The following FGF14 variants were observed in gnomAD, a reference collection of about 807,000 sequenced individuals.
FGF14 encodes the protein fibroblast growth factor 14.
Under a neutral mutation model 25.5 loss-of-function variants are expected in FGF14, and 5 were observed. The observed-to-expected ratio is 0.20, with a 90% CI of 0.10 to 0.41. FGF14 has a LOEUF of 0.41. Ranked by LOEUF, FGF14 falls within the 10% of genes least tolerant of loss-of-function variation. The probability of loss-of-function intolerance (pLI) is 1.00; values close to 1 mark genes in which losing one functional copy is unlikely to be tolerated. For missense variants in FGF14, 222 were observed against 320.1 expected (o/e 0.69, Z 2.34); for synonymous variants, 138 against 118.3 (o/e 1.17, Z -1.08).
intron 1 of FGF14, among the ~76,000 whole-genome samples, chr13:102,129,547 A>G (rs550988275): frequency 1.3e-5 from 2 of 152,304 alleles, no homozygotes; most frequent in African/African-American, 2.4e-5. Context: ...TGTATATTAC[A>G]TGAGTATTTC....
At chr13:101,762,369 G>A (rs1005252923) in intron 3 of FGF14, among the ~76,000 whole-genome samples, 6 of 152,108 alleles carry the variant, frequency 3.9e-5, no homozygotes, top group African/African-American at 7.2e-5. Flanking sequence ...CCTTCGGACC[G>A]AGTTTAAGAT....
intron 3 of FGF14, among the ~76,000 whole-genome samples, chr13:101,837,102 A>C (rs2042961492): frequency 6.6e-6 from 1 of 152,060 alleles, no homozygotes; most frequent in African/African-American, 2.4e-5. Context: ...TTATCTAATG[A>C]AACACTGGAG....
chr13:102,040,265 G>A (rs1483533288), intron 1 of FGF14, among the ~76,000 whole-genome samples: 2 of 152,066 alleles, frequency 1.3e-5, no homozygotes, highest in East Asian at 3.9e-4. Flanking sequence ...TCATGATCAA[G>A]TATTTCTTCC....
chr13:101,973,119 C>CAT (rs77590228), intron 1 of FGF14, among the ~76,000 whole-genome samples: 5 of 127,502 alleles, frequency 3.9e-5, no homozygotes, highest in East Asian at 2.2e-4. Flanking sequence ...AAGTGTGCTT[C>CAT]TTTTTTTTTT....
intron 1 of FGF14, among the ~76,000 whole-genome samples, chr13:102,399,129 A>T (rs77489630): frequency 6.6e-5 from 10 of 152,062 alleles, no homozygotes; most frequent in African/African-American, 2.4e-4. Context: ...GGGGGGAAAA[A>T]CTATTCCAGA....
At chr13:102,341,628 G>A (rs1405644369) in intron 1 of FGF14, among the ~76,000 whole-genome samples, 1 of 152,098 alleles carries the variant, frequency 6.6e-6, no homozygotes, top group Non-Finnish European at 1.5e-5. Context: ...TTGAGAAGGC[G>A]ACCACCTTTC....
At chr13:102,025,461 T>A (rs2040875799) in intron 1 of FGF14, among the ~76,000 whole-genome samples, 1 of 152,010 alleles carries the variant, frequency 6.6e-6, no homozygotes, top group South Asian at 2.1e-4. Flanking sequence ...CAGGCTGGAG[T>A]GCAGTGGCAT....
At chr13:102,091,306 G>A (rs1214446170) in intron 1 of FGF14, among the ~76,000 whole-genome samples, 1 of 152,018 alleles carries the variant, frequency 6.6e-6, no homozygotes, top group Non-Finnish European at 1.5e-5. Flanking sequence ...CATTCTGCTT[G>A]CCAAGATTCT....
intron 1 of FGF14, among the ~76,000 whole-genome samples, chr13:102,309,607 A>C (rs182665705): frequency 2.6e-5 from 4 of 152,340 alleles, no homozygotes; most frequent in Admixed American, 2.6e-4. Flanking sequence ...AATCATGAAA[A>C]AGTCAATTCA....
At chr13:101,885,238 T>A (rs2045929923) in intron 1 of FGF14, among the ~76,000 whole-genome samples, 1 of 152,168 alleles carries the variant, frequency 6.6e-6, no homozygotes, top group Admixed American at 6.6e-5. Flanking sequence ...TTTTTGCATT[T>A]CAGTTGTTTT....
At chr13:102,003,379 A>G (rs1335153385) in intron 1 of FGF14, 1 of 152,190 alleles carries the variant, frequency 6.6e-6, no homozygotes, top group Non-Finnish European at 1.5e-5. Flanking sequence ...TTAAAAAAAG[A>G]TTCACTTGAG....
intron 1 of FGF14, among the ~76,000 whole-genome samples, chr13:102,252,517 G>A (rs1320895888): frequency 6.6e-6 from 1 of 152,122 alleles, no homozygotes; most frequent in Non-Finnish European, 1.5e-5. Flanking sequence ...AAATGGCATA[G>A]TATTTGCATA....
chr13:102,298,436 A>G (rs2054845494), intron 1 of FGF14, among the ~76,000 whole-genome samples: 1 of 152,100 alleles, frequency 6.6e-6, no homozygotes, highest in African/African-American at 2.4e-5. Flanking sequence ...TTTACTCTCT[A>G]TTTTTGTGAA....
chr13:102,229,235 G>C (rs1052492695), intron 1 of FGF14, among the ~76,000 whole-genome samples: 3 of 152,156 alleles, frequency 2.0e-5, no homozygotes, highest in African/African-American at 7.2e-5. Flanking sequence ...ATTAAGCTCT[G>C]TTGTCCTAAT....
At chr13:101,830,272 G>A (rs1488481345) in intron 3 of FGF14, among the ~76,000 whole-genome samples, 1 of 151,950 alleles carries the variant, frequency 6.6e-6, no homozygotes, top group Non-Finnish European at 1.5e-5. Context: ...GTTATCCTGG[G>A]CCTGGGAGAG....
intron 3 of FGF14, among the ~76,000 whole-genome samples, chr13:101,828,448 T>G (rs2042508910): frequency 6.6e-6 from 1 of 151,600 alleles, no homozygotes; most frequent in South Asian, 2.1e-4. Flanking sequence ...ATAGAACTAT[T>G]TCAAATACTT....
chr13:101,715,798 C>T lies in FGF14; in HGVS notation c.*7033G>A, dbSNP rs112431674. 11 of 536,126 alleles carry T rather than the reference C, an allele frequency of 2.1e-5. No individual in the cohort carries two copies. Among genetic ancestry groups the T allele is most frequent in the African/African-American group, 5.8e-5 (3 of 52,010 alleles). 33.2% of individuals were successfully genotyped at this position (536,126 alleles called of 1,614,324 possible). A position where few individuals can be genotyped will look rare whatever the true frequency, so the allele number is the denominator to read the frequency against. On this transcript the variant is annotated 3_prime_UTR_variant, in exon 5 of 5. Coordinates refer to ENST00000376143, the MANE Select transcript of FGF14 (RefSeq NM_004115.4). ...CTATTTCTGAATTACGAATGAAATC[C>T]GAGTACCTATTAGAAATGAGTTATG...
chr13:101,730,246 GAT>G (rs2035719421), intron 3 of FGF14, among the ~76,000 whole-genome samples: 1 of 152,174 alleles, frequency 6.6e-6, no homozygotes, highest in Non-Finnish European at 1.5e-5. Flanking sequence ...ATGTCGTACT[GAT>G]GTTTTCAACC....
At chr13:102,163,619 A>G (rs545496) in intron 1 of FGF14, among the ~76,000 whole-genome samples, 3,899 of 152,174 alleles carry the variant, frequency 0.026, 166 homozygotes, top group African/African-American at 0.089. Flanking sequence ...ATCTGGGTGG[A>G]TGGTTATCAG....
Sources: allele counts gnomAD v4.1 joint callset (sites outside exome capture counted in the v4.1 genomes callset), GRCh38; gene constraint gnomAD v4.1.1; transcripts MANE v1.5; gene names NCBI Gene and HGNC (gene_info 2026-07-23, HGNC 2026-07-21).